Variants in FRMD4A observed in about 807,000 individuals in gnomAD.
FRMD4A encodes FERM domain containing 4A, also known as FERM domain-containing protein 4A.
In FRMD4A, 29 loss-of-function variants were observed where a neutral mutation model predicts 129.1. The ratio of observed to expected loss-of-function variants is 0.22; its 90% CI spans 0.17 to 0.31. The LOEUF (loss-of-function observed/expected upper bound fraction) is 0.31. FRMD4A is among the 10% of genes least tolerant of loss of function. The probability of loss-of-function intolerance (pLI) is 1.00; values close to 1 mark genes in which losing one functional copy is unlikely to be tolerated. For synonymous variants in FRMD4A, 634 were observed against 571.6 expected (o/e 1.11, Z -1.56); for missense variants, 1,272 against 1,375.8 (o/e 0.92, Z 1.19).
intron 13 of FRMD4A, among the ~76,000 whole-genome samples, chr10:13,703,704 G>A (rs555051843): frequency 2.0e-5 from 3 of 152,286 alleles, no homozygotes; most frequent in African/African-American, 2.4e-5. Flanking sequence ...AAAAAGCACC[G>A]CGAGGTTCAC....
chr10:14,282,526 A>T (rs760219281), intron 2 of FRMD4A, among the ~76,000 whole-genome samples: 2 of 152,180 alleles, frequency 1.3e-5, no homozygotes, highest in Non-Finnish European at 2.9e-5. Context: ...AGGGATGGGG[A>T]AACTAATAAA....
chr10:13,868,100 C>A (rs1564941149), intron 2 of FRMD4A, among the ~76,000 whole-genome samples: 1 of 150,712 alleles, frequency 6.6e-6, no homozygotes, highest in Non-Finnish European at 1.5e-5. Context: ...AAATAAAATT[C>A]ATCAATTCCC....
chr10:14,253,032 A>G (rs998750985), intron 2 of FRMD4A, among the ~76,000 whole-genome samples: 24 of 152,244 alleles, frequency 1.6e-4, no homozygotes, highest in African/African-American at 5.5e-4. Flanking sequence ...CATAATTTAC[A>G]TTAAACCCAA....
At chr10:13,957,943 A>G (rs1257780962) in intron 2 of FRMD4A, among the ~76,000 whole-genome samples, 1 of 151,274 alleles carries the variant, frequency 6.6e-6, no homozygotes, top group Admixed American at 6.6e-5. Context: ...TTTTTTTGAA[A>G]ACCCTCCCCT....
chr10:13,798,366 C>T (rs753093310), intron 4 of FRMD4A, among the ~76,000 whole-genome samples: 14 of 148,954 alleles, frequency 9.4e-5, no homozygotes, highest in East Asian at 2.0e-4. Context: ...GAGCTGAGAT[C>T]GCGCCATTGC....
chr10:13,688,080 T>C (rs1448927268), intron 15 of FRMD4A, among the ~76,000 whole-genome samples: 2 of 152,230 alleles, frequency 1.3e-5, no homozygotes, highest in East Asian at 1.9e-4. Context: ...TTGAGTCATC[T>C]GCAGTGTGAT....
chr10:13,924,836 G>A (rs547006923), intron 2 of FRMD4A, among the ~76,000 whole-genome samples: 130 of 152,040 alleles, frequency 8.6e-4, no homozygotes, highest in African/African-American at 2.9e-3. Flanking sequence ...AGGCCGAAGC[G>A]GGCGGATCAT....
chr10:13,765,108 T>TTTTTG (rs1564763140), intron 6 of FRMD4A, among the ~76,000 whole-genome samples: 8 of 143,360 alleles, frequency 5.6e-5, no homozygotes, highest in Non-Finnish European at 6.1e-5. Context: ...TTGATTTTTT[T>TTTTTG]TTTTTGTTTT....
intron 2 of FRMD4A, among the ~76,000 whole-genome samples, chr10:14,116,333 T>G (rs1418936575): frequency 6.6e-6 from 1 of 152,204 alleles, no homozygotes; most frequent in East Asian, 1.9e-4. Flanking sequence ...AAGCGAAGAA[T>G]GCACACTGGT....
chr10:13,813,825 T>C (rs1293245335), intron 3 of FRMD4A, among the ~76,000 whole-genome samples: 1 of 152,234 alleles, frequency 6.6e-6, no homozygotes, highest in Non-Finnish European at 1.5e-5. Flanking sequence ...GAAGTACAGT[T>C]TCTACTAAAA....
chr10:13,761,295 C>T (rs1467767569), intron 8 of FRMD4A, among the ~76,000 whole-genome samples: 3 of 152,230 alleles, frequency 2.0e-5, no homozygotes, highest in African/African-American at 7.2e-5. Context: ...CTTGTCAGGA[C>T]TGACAGGTTA....
chr10:13,949,478 C>T (rs892761220), intron 2 of FRMD4A, among the ~76,000 whole-genome samples: 44 of 152,058 alleles, frequency 2.9e-4, no homozygotes, highest in Non-Finnish European at 7.4e-5. Context: ...ATTCATCTTC[C>T]AGATTTGGGA....
intron 2 of FRMD4A, among the ~76,000 whole-genome samples, chr10:14,281,318 A>T (rs950649835): frequency 2.6e-5 from 4 of 152,214 alleles, no homozygotes; most frequent in Non-Finnish European, 5.9e-5. Flanking sequence ...AGAAGAAATT[A>T]GGGCACAGAC....
chr10:14,158,949 G>C (rs912808887), intron 2 of FRMD4A, among the ~76,000 whole-genome samples: 1 of 152,036 alleles, frequency 6.6e-6, no homozygotes, highest in Non-Finnish European at 1.5e-5. Context: ...CTTGAAGAAA[G>C]GAAGTAACAG....
At chr10:13,986,347 G>C (rs2095581179) in intron 2 of FRMD4A, among the ~76,000 whole-genome samples, 1 of 151,318 alleles carries the variant, frequency 6.6e-6, no homozygotes, top group Non-Finnish European at 1.5e-5. Context: ...GTCCTTTGTA[G>C]GGACATGGAT....
At chr10:14,259,458 T>C (rs1844726048) in intron 2 of FRMD4A, among the ~76,000 whole-genome samples, 2 of 152,304 alleles carry the variant, frequency 1.3e-5, no homozygotes, top group Admixed American at 1.3e-4. Flanking sequence ...TAATAATAAA[T>C]GCTGATGATG....
intron 2 of FRMD4A, among the ~76,000 whole-genome samples, chr10:14,197,650 C>T (rs117245851): frequency 3.9e-5 from 6 of 152,164 alleles, no homozygotes; most frequent in African/African-American, 1.4e-4. Flanking sequence ...CGTGAGCCAC[C>T]GTGCCTGGCC....
At chr10:13,879,749 CCCCCT>C (rs1174285686) in intron 2 of FRMD4A, among the ~76,000 whole-genome samples, 6 of 124,054 alleles carry the variant, frequency 4.8e-5, no homozygotes, top group South Asian at 7.3e-4. Context: ...CTCCCTTCTC[CCCCCT>C]CCCCCTCCCC....
intron 2 of FRMD4A, among the ~76,000 whole-genome samples, chr10:13,899,322 CTTTAA>C (rs949712670): frequency 5.9e-5 from 9 of 152,290 alleles, no homozygotes; most frequent in Non-Finnish European, 1.0e-4. Flanking sequence ...GCTTTCCAAA[CTTTAA>C]TTTAATCATC....
Sources: allele counts gnomAD v4.1 joint callset (sites outside exome capture counted in the v4.1 genomes callset), GRCh38; gene constraint gnomAD v4.1.1; transcripts MANE v1.5; gene names NCBI Gene and HGNC (gene_info 2026-07-23, HGNC 2026-07-21).